Variants in CDH13 observed in about 807,000 individuals in gnomAD.
CDH13 encodes cadherin 13, also known as cadherin-13.
In CDH13, 24 loss-of-function variants were observed where a neutral mutation model predicts 63.8. The observed-to-expected ratio is 0.38, with a 90% CI of 0.27 to 0.53. CDH13 has a LOEUF of 0.53. Among genes scored for constraint, CDH13 ranks in the 20% least tolerant of loss-of-function variants. The probability of loss-of-function intolerance (pLI) is 0.85; values close to 1 mark genes in which losing one functional copy is unlikely to be tolerated. For synonymous variants in CDH13, 503 were observed against 355.3 expected (o/e 1.42, Z -4.67); for missense variants, 1,049 against 903.1 (o/e 1.16, Z -2.07).
At chr16:82,674,018 C>T (rs1486686588) in intron 1 of CDH13, among the ~76,000 whole-genome samples, 1 of 152,154 alleles carries the variant, frequency 6.6e-6, no homozygotes, top group Non-Finnish European at 1.5e-5. Flanking sequence ...TACTCTAGGG[C>T]TCGAAGAAGG....
intron 8 of CDH13, among the ~76,000 whole-genome samples, chr16:83,603,524 C>G (rs748041682): frequency 6.6e-6 from 1 of 152,190 alleles, no homozygotes; most frequent in Non-Finnish European, 1.5e-5. Context: ...AGGAAGTGAA[C>G]CAGGTTCCTG....
intron 8 of CDH13, among the ~76,000 whole-genome samples, chr16:83,613,764 T>TG (rs1210745879): frequency 1.3e-5 from 2 of 152,128 alleles, no homozygotes; most frequent in East Asian, 3.9e-4. Flanking sequence ...ACCCCAGAGT[T>TG]GGAGGTTGCA....
intron 1 of CDH13, among the ~76,000 whole-genome samples, chr16:82,713,516 G>T (rs999790883): frequency 1.3e-5 from 2 of 152,132 alleles, no homozygotes; most frequent in African/African-American, 4.8e-5. Flanking sequence ...AACACTCTGT[G>T]CGGTGTTTCC....
intron 3 of CDH13, among the ~76,000 whole-genome samples, chr16:83,106,882 A>G (rs1156852266): frequency 6.6e-6 from 1 of 152,074 alleles, no homozygotes; most frequent in African/African-American, 2.4e-5. Context: ...TGATGAACCT[A>G]TTCTATGTGG....
In CDH13 at chr16:82,627,145, A is replaced by G. The variant is rs757569853; in HGVS notation, c.45+8A>G. 3.1e-6 allele frequency: 5 copies of G among 1,604,174 alleles called. No individual in the cohort carries two copies. The highest frequency in any genetic ancestry group is 2.2e-5 in the East Asian group (1 of 44,580). The stretch of plus-strand genomic sequence containing the variant: ...TGCGTTCTCCTGTCCCAGGTAGGGA[A>G]GAGGGGCTGCCGGGCGCGCTCTGCG... On this transcript the variant is annotated splice_region_variant and intron_variant, in intron 1 of 13. Transcript: ENST00000567109.
At chr16:82,891,347 T>C (rs16958823) in intron 2 of CDH13, among the ~76,000 whole-genome samples, 10,864 of 152,248 alleles carry the variant, frequency 0.071, 529 homozygotes, top group Middle Eastern at 0.17. Context: ...CTGCACTGCA[T>C]TTTAGGAGCT....
intron 4 of CDH13, among the ~76,000 whole-genome samples, chr16:83,134,544 GGAGA>G (rs67135267): frequency 0.023 from 1,920 of 84,124 alleles, 26 homozygotes; most frequent in Middle Eastern, 0.025. Flanking sequence ...TGGGGTGGGG[GGAGA>G]GAGAGAGAGA....
At chr16:82,653,820 G>A (rs1022625263) in intron 1 of CDH13, among the ~76,000 whole-genome samples, 9 of 152,168 alleles carry the variant, frequency 5.9e-5, no homozygotes, top group African/African-American at 2.2e-4. Flanking sequence ...GGCGCAGGAT[G>A]GGAGACAGAT....
intron 2 of CDH13, among the ~76,000 whole-genome samples, chr16:82,978,144 C>A (rs967769195): frequency 6.6e-6 from 1 of 152,082 alleles, no homozygotes; most frequent in African/African-American, 2.4e-5. Context: ...AGCAGCAGAG[C>A]CTTCAAGAGG....
intron 8 of CDH13, among the ~76,000 whole-genome samples, chr16:83,668,427 C>T (rs1439255236): frequency 6.6e-6 from 1 of 152,336 alleles, no homozygotes; most frequent in Non-Finnish European, 1.5e-5. Context: ...CTCACTTATG[C>T]ACTGGACATG....
intron 2 of CDH13, among the ~76,000 whole-genome samples, chr16:82,935,962 G>T (rs56201418): frequency 0.16 from 24,746 of 152,130 alleles, 2,058 homozygotes; most frequent in Middle Eastern, 0.2. Context: ...TAAAGAGGCA[G>T]TGTCTGATTT....
intron 1 of CDH13, among the ~76,000 whole-genome samples, chr16:82,663,903 C>G (rs551923459): frequency 1.1e-4 from 17 of 152,212 alleles, no homozygotes; most frequent in African/African-American, 3.9e-4. Context: ...TCTTCTCTAC[C>G]CTCCCTCCTC....
chr16:82,958,001 G>T (rs1462834563), intron 2 of CDH13, among the ~76,000 whole-genome samples: 1 of 152,164 alleles, frequency 6.6e-6, no homozygotes, highest in Non-Finnish European at 1.5e-5. Flanking sequence ...TTGGTCTAAG[G>T]TATCCACACT....
chr16:83,324,903 C>T lies in CDH13; in HGVS notation c.637-19959C>T, dbSNP rs375378242. The stretch of plus-strand genomic sequence containing the variant: ...AAATGCTTAACATTGTTTACAGGGA[C>T]CCATCTGATTTGGCCCCACTCACCT... On this transcript the variant is annotated intron_variant, in intron 5 of 13. Transcript: ENST00000567109. Among the ~76,000 whole-genome samples the T allele has an allele frequency of 1.2e-4, 19 of 152,280 alleles. No individual in the cohort carries two copies. In the South Asian group the frequency reaches 3.9e-3, roughly 32 times the overall value.
At chr16:82,914,462 T>C (rs2041924041) in intron 2 of CDH13, among the ~76,000 whole-genome samples, 1 of 152,230 alleles carries the variant, frequency 6.6e-6, no homozygotes, top group Non-Finnish European at 1.5e-5. Context: ...CCAGTTTTGT[T>C]TTTTCACCTT....
chr16:82,872,725 T>C (rs1279572287), intron 2 of CDH13, among the ~76,000 whole-genome samples: 15 of 152,214 alleles, frequency 9.9e-5, no homozygotes, highest in Non-Finnish European at 1.5e-5. Context: ...CAAGGACTTC[T>C]GCATTTGACA....
chr16:82,853,234 C>T (rs1485616261), intron 1 of CDH13, among the ~76,000 whole-genome samples: 1 of 152,154 alleles, frequency 6.6e-6, no homozygotes, highest in Non-Finnish European at 1.5e-5. Context: ...TGCAAACACC[C>T]CATGATCTTC....
At chr16:83,518,560 C>T (rs2074754376) in intron 7 of CDH13, among the ~76,000 whole-genome samples, 1 of 151,472 alleles carries the variant, frequency 6.6e-6, no homozygotes, top group Non-Finnish European at 1.5e-5. Context: ...GCAAGCTCCG[C>T]CTCCCGGGTT....
intron 1 of CDH13, among the ~76,000 whole-genome samples, chr16:82,671,738 G>T (rs1337656024): frequency 6.6e-6 from 1 of 152,124 alleles, no homozygotes; most frequent in Non-Finnish European, 1.5e-5. Flanking sequence ...ATCAGATCCA[G>T]ATTTGGTATT....
Sources: gnomAD v4.1 joint callset for allele counts (sites outside exome capture counted in the v4.1 genomes callset) on GRCh38, gnomAD v4.1.1 for gene constraint, MANE v1.5 for transcripts, NCBI Gene and HGNC (gene_info 2026-07-23, HGNC 2026-07-21) for gene names.